The following PLXDC2 variants were observed in gnomAD, a reference collection of about 807,000 sequenced individuals.
PLXDC2 encodes the protein plexin domain-containing protein 2.
A neutral mutation model predicts 68.9 loss-of-function variants in PLXDC2; 40 were observed. That is an observed-to-expected ratio of 0.58 (90% CI 0.45 to 0.76). The LOEUF is 0.76. Ranked by LOEUF, PLXDC2 falls within the 30% of genes least tolerant of loss-of-function variation. The pLI is 0.00. For missense variants in PLXDC2, 644 were observed against 661.9 expected (o/e 0.97, Z 0.30); for synonymous variants, 243 against 234.2 (o/e 1.04, Z -0.34).
intron 4 of PLXDC2, among the ~76,000 whole-genome samples, chr10:20,123,030 TG>T (rs1415392193): frequency 6.6e-6 from 1 of 152,182 alleles, no homozygotes; most frequent in Non-Finnish European, 1.5e-5. Flanking sequence ...GCATTAACCT[TG>T]ACTATGCCTT....
intron 1 of PLXDC2, among the ~76,000 whole-genome samples, chr10:19,838,867 G>A (rs945986730): frequency 1.3e-5 from 2 of 152,052 alleles, no homozygotes; most frequent in South Asian, 2.1e-4. Context: ...TTTAAGCTTC[G>A]GCTCCTTATA....
chr10:19,993,323 A>T (rs973185861), intron 1 of PLXDC2, among the ~76,000 whole-genome samples: 3 of 152,198 alleles, frequency 2.0e-5, no homozygotes, highest in African/African-American at 7.2e-5. Flanking sequence ...ATAATTACAC[A>T]TAAAGTTATA....
chr10:19,883,646 A>C (rs1386813742), intron 1 of PLXDC2, among the ~76,000 whole-genome samples: 1 of 151,978 alleles, frequency 6.6e-6, no homozygotes, highest in Non-Finnish European at 1.5e-5. Context: ...TCCTAGGATC[A>C]ATCTTTTGGC....
intron 2 of PLXDC2, among the ~76,000 whole-genome samples, chr10:20,036,740 G>A (rs1372180031): frequency 2.0e-5 from 3 of 152,146 alleles, no homozygotes; most frequent in Non-Finnish European, 4.4e-5. Flanking sequence ...GCATTTGAAA[G>A]ATAGTTGTGC....
At chr10:19,948,800 G>A (rs914571259) in intron 1 of PLXDC2, among the ~76,000 whole-genome samples, 2 of 151,948 alleles carry the variant, frequency 1.3e-5, no homozygotes, top group African/African-American at 4.8e-5. Context: ...CCCATATTAT[G>A]TTTCATTAAA....
chr10:20,192,258 C>A (rs909553919), intron 9 of PLXDC2, among the ~76,000 whole-genome samples: 3 of 152,024 alleles, frequency 2.0e-5, no homozygotes, highest in Non-Finnish European at 4.4e-5. Flanking sequence ...GCTAATCAAT[C>A]CTAAGCAGTT....
chr10:20,181,035 A>T (rs1033894164), intron 9 of PLXDC2, among the ~76,000 whole-genome samples: 2 of 152,074 alleles, frequency 1.3e-5, no homozygotes, highest in African/African-American at 4.8e-5. Context: ...TCATTTTGGT[A>T]TACGGAGACA....
chr10:19,896,072 C>T (rs1366876585), intron 1 of PLXDC2, among the ~76,000 whole-genome samples: 1 of 152,142 alleles, frequency 6.6e-6, no homozygotes, highest in Non-Finnish European at 1.5e-5. Context: ...GCTTTCAGTT[C>T]AAAAGGTATC....
intron 1 of PLXDC2, among the ~76,000 whole-genome samples, chr10:19,835,468 G>T (rs1205502323): frequency 6.6e-6 from 1 of 152,206 alleles, no homozygotes; most frequent in African/African-American, 2.4e-5. Context: ...GGCGAGTACT[G>T]AGGTGCTCAT....
chr10:20,253,928 T>TA (rs766313106), intron 13 of PLXDC2, among the ~76,000 whole-genome samples: 2 of 152,180 alleles, frequency 1.3e-5, no homozygotes, highest in Non-Finnish European at 2.9e-5. Flanking sequence ...CCAGCAGAGA[T>TA]AAGACCTCTG....
chr10:19,985,100 C>T (rs1165252131), intron 1 of PLXDC2, among the ~76,000 whole-genome samples: 2 of 152,188 alleles, frequency 1.3e-5, no homozygotes, highest in Non-Finnish European at 2.9e-5. Context: ...AAACCAATTT[C>T]ATTACTCTTT....
At chr10:20,205,506 T>A (rs1373831739) in intron 9 of PLXDC2, among the ~76,000 whole-genome samples, 1 of 152,126 alleles carries the variant, frequency 6.6e-6, no homozygotes, top group African/African-American at 2.4e-5. Flanking sequence ...TCTCTCATAA[T>A]ATTCTATGAT....
Position 19,972,004 on chromosome 10 carries a change from G to A in PLXDC2, c.113-29771G>A, listed in dbSNP as rs118005411. On this transcript the variant is annotated intron_variant, in intron 1 of 13. Transcript: ENST00000377252. ...GAGTGGCATGCGTTGTGCATAGAGG[G>A]AGGAAGGTCCAGTAATTACCTGGGG... Among the ~76,000 whole-genome samples the A allele has an allele frequency of 9.5e-3, 1,439 of 152,260 alleles. 8 individuals are homozygous for A. The highest frequency in any genetic ancestry group is 0.019 in the Admixed American group (283 of 15,290).
chr10:19,942,992 G>A (rs1201766661), intron 1 of PLXDC2, among the ~76,000 whole-genome samples: 1 of 152,186 alleles, frequency 6.6e-6, no homozygotes, highest in African/African-American at 2.4e-5. Context: ...TTCAAAAGCA[G>A]CATTTTAGCC....
intron 1 of PLXDC2, among the ~76,000 whole-genome samples, chr10:19,860,132 G>A (rs1837291684): frequency 6.6e-6 from 1 of 152,082 alleles, no homozygotes; most frequent in Non-Finnish European, 1.5e-5. Flanking sequence ...ACTACTAACA[G>A]GACCCTCTTT....
At chr10:20,199,163 G>A (rs935710007) in intron 9 of PLXDC2, among the ~76,000 whole-genome samples, 3 of 151,988 alleles carry the variant, frequency 2.0e-5, no homozygotes, top group African/African-American at 7.2e-5. Flanking sequence ...GCAATTAGTA[G>A]CACTGGTACT....
chr10:20,113,246 G>A (rs1411599192), intron 4 of PLXDC2, among the ~76,000 whole-genome samples: 1 of 152,166 alleles, frequency 6.6e-6, no homozygotes, highest in Non-Finnish European at 1.5e-5. Flanking sequence ...CACTGTATGG[G>A]TTACAGAAAT....
chr10:20,239,385 C>T (rs1835483779), intron 12 of PLXDC2, among the ~76,000 whole-genome samples: 1 of 152,086 alleles, frequency 6.6e-6, no homozygotes, highest in African/African-American at 2.4e-5. Context: ...AATTTATAAA[C>T]AAAAGAGGTT....
At chr10:19,869,822 G>A (rs1056054794) in intron 1 of PLXDC2, among the ~76,000 whole-genome samples, 7 of 151,144 alleles carry the variant, frequency 4.6e-5, no homozygotes, top group African/African-American at 9.7e-5. Flanking sequence ...CCACTCCCCC[G>A]CCACTGCCAG....
Sources: allele counts gnomAD v4.1 joint callset (sites outside exome capture counted in the v4.1 genomes callset), GRCh38; gene constraint gnomAD v4.1.1; transcripts MANE v1.5; gene names NCBI Gene and HGNC (gene_info 2026-07-23, HGNC 2026-07-21).